Variants in CASD1 observed in about 807,000 individuals in gnomAD.
CASD1 encodes the protein CAS1 domain sialic acid O acetyltransferase 1, also known as N-acetylneuraminate (7)9-O-acetyltransferase.
Under a neutral mutation model 100.0 loss-of-function variants are expected in CASD1, and 41 were observed. That is an observed-to-expected ratio of 0.41 (90% CI 0.32 to 0.53). The LOEUF (loss-of-function observed/expected upper bound fraction) is 0.53, where lower values mean the gene tolerates loss of function less well. Ranked by LOEUF, CASD1 falls within the 20% of genes least tolerant of loss-of-function variation. CASD1 has a pLI of 0.25. For missense variants in CASD1, 774 were observed against 948.7 expected, an observed-to-expected ratio of 0.82 and a Z score of 2.42; for synonymous variants, 321 against 315.6, an observed-to-expected ratio of 1.02 and a Z score of -0.18.
At chr7:94,615,307 C>T in the CASD1 span, among the ~76,000 whole-genome samples, 2 of 151,888 alleles carry the variant, frequency 1.3e-5, no homozygotes, top group Admixed American at 1.3e-4. Flanking sequence ...TGCTGTGAGT[C>T]GAGATCCCAC....
At chr7:94,628,428 T>A in the CASD1 span, 1 of 1,332,552 alleles carries the variant, frequency 7.5e-7, no homozygotes, top group East Asian at 2.4e-5. Flanking sequence ...GTAGTTTCAA[T>A]CAAAACATTC....
the CASD1 span, chr7:94,590,797 A>G: frequency 6.6e-6 from 1 of 152,296 alleles, no homozygotes; most frequent in African/African-American, 2.4e-5. Context: ...ATTCTAAGAA[A>G]TCTGTAAAAA....
chr7:94,540,967 G>T (rs1795363006), intron 10 of CASD1, among the ~76,000 whole-genome samples: 1 of 152,018 alleles, frequency 6.6e-6, no homozygotes, highest in Non-Finnish European at 1.5e-5. Flanking sequence ...AAAAGATGAA[G>T]GCAATTTGGT....
At chr7:94,626,557 A>G in the CASD1 span, 1 of 152,048 alleles carries the variant, frequency 6.6e-6, no homozygotes, top group Non-Finnish European at 1.5e-5. Context: ...TAGAAATATA[A>G]CAGTAATTTA....
At chr7:94,585,626 A>G in the CASD1 span, 2 of 741,464 alleles carry the variant, frequency 2.7e-6, no homozygotes, top group African/African-American at 3.5e-5. Context: ...TCTTAATACA[A>G]TGTAAAATAA....
At chr7:94,583,899 G>A in the CASD1 span, among the ~76,000 whole-genome samples, 1 of 152,048 alleles carries the variant, frequency 6.6e-6, no homozygotes, top group Non-Finnish European at 1.5e-5. Context: ...TAGTCCTTAA[G>A]GACTATTAGG....
intron 9 of CASD1, among the ~76,000 whole-genome samples, chr7:94,538,660 A>G (rs893165080): frequency 1.3e-5 from 2 of 152,152 alleles, no homozygotes; most frequent in African/African-American, 4.8e-5. Context: ...CACATCTGTC[A>G]TAGTTTAATT....
chr7:94,512,563 G>A (rs1418783955), intron 1 of CASD1, among the ~76,000 whole-genome samples: 2 of 152,190 alleles, frequency 1.3e-5, no homozygotes, highest in East Asian at 1.9e-4. Flanking sequence ...AAAGCTTGGC[G>A]AATACTGTGT....
intron 1 of CASD1, among the ~76,000 whole-genome samples, chr7:94,511,551 T>C (rs1215804543): frequency 6.6e-6 from 1 of 152,248 alleles, no homozygotes; most frequent in Non-Finnish European, 1.5e-5. Flanking sequence ...TGCAAGGCCT[T>C]GGTTTATCTA....
chr7:94,622,661 G>A, the CASD1 span: 3 of 151,106 alleles, frequency 2.0e-5, no homozygotes, highest in Non-Finnish European at 3.0e-5. Context: ...TAACTACAAA[G>A]TATTTGGTGA....
At chr7:94,609,772 T>C in the CASD1 span, among the ~76,000 whole-genome samples, 6 of 152,194 alleles carry the variant, frequency 3.9e-5, no homozygotes, top group African/African-American at 1.4e-4. Flanking sequence ...GAATGCAAGA[T>C]GGTGTAGCCA....
the CASD1 span, among the ~76,000 whole-genome samples, chr7:94,596,359 T>C: frequency 6.6e-6 from 1 of 152,160 alleles, no homozygotes; most frequent in Non-Finnish European, 1.5e-5. Context: ...CAGCAACCTT[T>C]TTCCGCTCTT....
At chr7:94,554,850 C>G (rs188740788) in intron 17 of CASD1, among the ~76,000 whole-genome samples, 85 of 152,008 alleles carry the variant, frequency 5.6e-4, no homozygotes, top group Admixed American at 7.9e-4. Flanking sequence ...CAAGCACAAC[C>G]AAGATGCTGA....
the CASD1 span, chr7:94,623,471 G>GA: frequency 1.1e-6 from 1 of 938,574 alleles, no homozygotes; most frequent in Non-Finnish European, 1.7e-6. Context: ...GGATTAAAAT[G>GA]AAAACAAATT....
chr7:94,591,946 C>T, the CASD1 span, among the ~76,000 whole-genome samples: 6 of 152,172 alleles, frequency 3.9e-5, no homozygotes, highest in Non-Finnish European at 5.9e-5. Flanking sequence ...AATGCTCATG[C>T]ACTCCTTGCA....
At chr7:94,559,193 A>G (rs1007545929), downstream of CASD1, among the ~76,000 whole-genome samples, 6 of 152,052 alleles carry the variant, frequency 3.9e-5, no homozygotes, top group Non-Finnish European at 4.4e-5. Context: ...GGAGACACAA[A>G]TGGAAGCTAT....
At chr7:94,569,812 CT>C in the CASD1 span, among the ~76,000 whole-genome samples, 131 of 140,104 alleles carry the variant, frequency 9.4e-4, no homozygotes, top group Middle Eastern at 4.2e-3. Context: ...CAATCTCTGA[CT>C]TTTTTTTTTT....
At chr7:94,560,703 C>G (rs1179650787), downstream of CASD1, among the ~76,000 whole-genome samples, 1 of 152,110 alleles carries the variant, frequency 6.6e-6, no homozygotes, top group African/African-American at 2.4e-5. Flanking sequence ...GGTTTGATTT[C>G]ACATTACTGG....
intron 17 of CASD1, 142 bp from the exon 18 acceptor site, chr7:94,555,350 A>C: frequency 1.3e-6 from 1 of 751,320 alleles, no homozygotes; most frequent in Non-Finnish European, 2.1e-6. Context: ...TGGACTTTTC[A>C]GGGCCAGTAG....
Sources: gnomAD v4.1 joint callset for allele counts (sites outside exome capture counted in the v4.1 genomes callset) on GRCh38, gnomAD v4.1.1 for gene constraint, MANE v1.5 for transcripts, NCBI Gene and HGNC (gene_info 2026-07-23, HGNC 2026-07-21) for gene names.